HDX: variants seen among roughly 807,000 people sequenced by gnomAD.
HDX encodes the protein chromosome X open reading frame 43.
A neutral mutation model predicts 45.2 loss-of-function variants in HDX; 19 were observed. The ratio of observed to expected loss-of-function variants is 0.42; its 90% CI spans 0.29 to 0.62. The LOEUF is 0.62. Ranked by LOEUF, HDX falls within the 20% of genes least tolerant of loss-of-function variation. HDX has a pLI of 0.20. For missense variants in HDX, 532 were observed against 493.9 expected (o/e 1.08, Z -0.73); for synonymous variants, 188 against 172.8 (o/e 1.09, Z -0.69).
intron 1 of HDX, among the ~76,000 whole-genome samples, chrX:84,496,230 C>G (rs774443464): frequency 9.0e-6 from 1 of 111,684 alleles, no homozygotes; most frequent in African/African-American, 3.3e-5. Context: ...ATGGAGAATG[C>G]TTAGATCGCA....
At position 84,438,844 on chromosome X, in the gene HDX, A is replaced by G. The variant is rs193187391; in HGVS notation, c.1305+1688T>C. ...TATTGTGAATAGCACTGTAATGAATATATGGCTGCATGTGCCTTTATGATA... is the reference window on the plus strand; with the variant it reads ...TATTGTGAATAGCACTGTAATGAATGTATGGCTGCATGTGCCTTTATGATA... On this transcript the variant is annotated intron_variant, in intron 5 of 10. Transcript: ENST00000373177. Among the ~76,000 whole-genome samples the G allele has an allele frequency of 2.4e-4, 27 of 111,487 alleles. 2 individuals are homozygous for G. The East Asian group carries it at 7.6e-3, about 32-fold the overall frequency.
intron 5 of HDX, among the ~76,000 whole-genome samples, chrX:84,413,932 AT>A (rs2039044566): frequency 1.8e-5 from 2 of 111,579 alleles, no homozygotes; most frequent in South Asian, 7.4e-4. Flanking sequence ...CCTGATTTAA[AT>A]GATGAAAAAT....
At chrX:84,398,123 C>CAT (rs751269091) in intron 5 of HDX, among the ~76,000 whole-genome samples, 58 of 108,230 alleles carry the variant, frequency 5.4e-4, no homozygotes, top group Middle Eastern at 4.7e-3. Context: ...CACACACACA[C>CAT]ATATATATAT....
intron 4 of HDX, among the ~76,000 whole-genome samples, chrX:84,447,208 A>T (rs1242573221): frequency 8.9e-6 from 1 of 112,277 alleles, no homozygotes; most frequent in African/African-American, 3.2e-5. Context: ...AGGGGCTTCA[A>T]GATGGCTGGC....
chrX:84,447,218 C>T (rs2039893355), intron 4 of HDX, among the ~76,000 whole-genome samples: 1 of 111,889 alleles, frequency 8.9e-6, no homozygotes, highest in Non-Finnish European at 1.9e-5. Context: ...AGATGGCTGG[C>T]TAGAGACATC....
intron 5 of HDX, among the ~76,000 whole-genome samples, chrX:84,435,461 G>A (rs1208674358): frequency 9.1e-6 from 1 of 110,144 alleles, no homozygotes; most frequent in Admixed American, 9.7e-5. Context: ...CTGGATATTA[G>A]CCCTTTGTCA....
chrX:84,370,093 T>C (rs962926236), intron 5 of HDX, among the ~76,000 whole-genome samples: 1 of 111,976 alleles, frequency 8.9e-6, no homozygotes, highest in Non-Finnish European at 1.9e-5. Context: ...ATCTATTTAA[T>C]TGAAGACTGG....
chrX:84,437,739 A>G (rs2039669887), intron 5 of HDX, among the ~76,000 whole-genome samples: 1 of 110,999 alleles, frequency 9.0e-6, no homozygotes, highest in African/African-American at 3.3e-5. Context: ...TACATAGCAC[A>G]CTTTTTAGAC....
chrX:84,336,643 T>A (rs780819518), intron 8 of HDX, among the ~76,000 whole-genome samples, 158 bp downstream of exon 8: 23 of 111,824 alleles, frequency 2.1e-4, no homozygotes, highest in African/African-American at 7.1e-4. Context: ...TTTTACTTAC[T>A]AAGCCATCAA....
At chrX:84,383,191 A>G (rs930292842) in intron 5 of HDX, among the ~76,000 whole-genome samples, 3 of 111,228 alleles carry the variant, frequency 2.7e-5, no homozygotes, top group Admixed American at 9.6e-5. Flanking sequence ...TTGGGAAGGC[A>G]GACACACCCT....
chrX:84,478,898 T>C (rs2040611047), intron 2 of HDX, among the ~76,000 whole-genome samples: 1 of 111,659 alleles, frequency 9.0e-6, no homozygotes, highest in African/African-American at 3.3e-5. Context: ...GACAAGTCCA[T>C]AAAATCATCA....
At chrX:84,423,827 A>T (rs993924531) in intron 5 of HDX, among the ~76,000 whole-genome samples, 6 of 111,805 alleles carry the variant, frequency 5.4e-5, no homozygotes, top group Admixed American at 9.5e-5. Flanking sequence ...ATCTCAACAT[A>T]ATAAAAGCCA....
intron 6 of HDX, among the ~76,000 whole-genome samples, chrX:84,349,393 A>G (rs2037280353): frequency 1.1e-5 from 1 of 89,817 alleles, no homozygotes; most frequent in Non-Finnish European, 2.1e-5. Context: ...TTTAAAAATT[A>G]TATATATATA....
chrX:84,425,098 G>A (rs907724162), intron 5 of HDX, among the ~76,000 whole-genome samples: 2 of 110,683 alleles, frequency 1.8e-5, no homozygotes, highest in Non-Finnish European at 3.8e-5. Context: ...GAATATATAA[G>A]GAGCTCAGAC....
chrX:84,370,621 T>C (rs1467151515), intron 5 of HDX, among the ~76,000 whole-genome samples: 1 of 112,311 alleles, frequency 8.9e-6, no homozygotes, highest in Non-Finnish European at 1.9e-5. Context: ...TCAGTTTATT[T>C]ATTTTAAAAA....
chrX:84,382,383 G>T (rs1170679581), intron 5 of HDX, among the ~76,000 whole-genome samples: 1 of 111,560 alleles, frequency 9.0e-6, no homozygotes, highest in Non-Finnish European at 1.9e-5. Flanking sequence ...ATATCTAAAA[G>T]ATATCTGCAC....
intron 4 of HDX, among the ~76,000 whole-genome samples, chrX:84,461,076 AT>A (rs772282450): frequency 8.9e-6 from 1 of 111,794 alleles, no homozygotes; most frequent in Non-Finnish European, 1.9e-5. Flanking sequence ...AGGAATCAAT[AT>A]TTTTAAGGTG....
chrX:84,360,535 C>A (rs1429360171), intron 6 of HDX, among the ~76,000 whole-genome samples: 1 of 111,410 alleles, frequency 9.0e-6, no homozygotes. Flanking sequence ...TTTCATCATG[C>A]CAAAAATAAA....
intron 5 of HDX, among the ~76,000 whole-genome samples, chrX:84,379,113 TTA>T (rs1322956510): frequency 9.1e-6 from 1 of 110,070 alleles, no homozygotes; most frequent in East Asian, 2.8e-4. Context: ...GATGTAACAA[TTA>T]TATATATAAT....
Sources: allele counts gnomAD v4.1 joint callset (sites outside exome capture counted in the v4.1 genomes callset), GRCh38; gene constraint gnomAD v4.1.1; transcripts MANE v1.5; gene names NCBI Gene and HGNC (gene_info 2026-07-23, HGNC 2026-07-21).